The following FARP1 variants were observed in gnomAD, a reference collection of about 807,000 sequenced individuals.
FARP1 encodes FERM, ARH/RhoGEF and pleckstrin domain protein 1, also known as FERM, ARHGEF and pleckstrin domain-containing protein 1.
A neutral mutation model predicts 128.8 loss-of-function variants in FARP1; 52 were observed. That is an observed-to-expected ratio of 0.40 (90% CI 0.32 to 0.51). FARP1 has a LOEUF of 0.51. FARP1 is among the 20% of genes least tolerant of loss of function. The pLI is 0.45. For missense variants in FARP1, 1,333 were observed against 1,367.9 expected, an observed-to-expected ratio of 0.97 and a Z score of 0.40; for synonymous variants, 580 against 551.8, an observed-to-expected ratio of 1.05 and a Z score of -0.72.
At chr13:98,201,356 C>T (rs1248703927) in intron 1 of FARP1, among the ~76,000 whole-genome samples, 2 of 152,192 alleles carry the variant, frequency 1.3e-5, no homozygotes, top group South Asian at 2.1e-4. Flanking sequence ...GGGGGAGGAA[C>T]GCTTGAGCCC....
intron 2 of FARP1, among the ~76,000 whole-genome samples, chr13:98,231,977 G>A (rs139859339): frequency 1.3e-5 from 2 of 151,836 alleles, no homozygotes; most frequent in East Asian, 1.9e-4. Context: ...ACAGGTACTC[G>A]TCACCACGCC....
chr13:98,193,153 G>T (rs1193145009), intron 1 of FARP1, among the ~76,000 whole-genome samples: 3 of 151,894 alleles, frequency 2.0e-5, no homozygotes, highest in Non-Finnish European at 4.4e-5. Context: ...TGTCTCCCGG[G>T]TTCAAGCGAT....
At chr13:98,185,873 AT>A (rs1878830067) in intron 1 of FARP1, among the ~76,000 whole-genome samples, 2 of 151,028 alleles carry the variant, frequency 1.3e-5, no homozygotes, top group Admixed American at 6.6e-5. Context: ...AATTTTTGTA[AT>A]TTTAGTAGAG....
rs1311250133 is a variant in FARP1 at position 98,439,953 on chromosome 13, G to A, written c.2434-8G>A. Reference sequence around the variant, plus strand: ...CCTCATGGTGACGTTATCTTCTCTTGCCCACAGATTGAGGAGAGCGAAGAC... The same window carrying A: ...CCTCATGGTGACGTTATCTTCTCTTACCCACAGATTGAGGAGAGCGAAGAC... On this transcript the variant is annotated splice_polypyrimidine_tract_variant and splice_region_variant and intron_variant, in intron 21 of 26. Transcript: ENST00000319562. 2 of 1,548,840 alleles carry A rather than the reference G, an allele frequency of 1.3e-6. No homozygotes were observed. Among genetic ancestry groups the A allele is most frequent in the Non-Finnish European group, 1.8e-6 (2 of 1,140,990 alleles).
chr13:98,297,376 G>A (rs1382485675), intron 2 of FARP1, among the ~76,000 whole-genome samples: 1 of 152,214 alleles, frequency 6.6e-6, no homozygotes, highest in Non-Finnish European at 1.5e-5. Flanking sequence ...TAAGCTCCAG[G>A]TGTGCAATAG....
At chr13:98,167,494 C>T (rs1345356982) in intron 1 of FARP1, among the ~76,000 whole-genome samples, 1 of 150,556 alleles carries the variant, frequency 6.6e-6, no homozygotes, top group Non-Finnish European at 1.5e-5. Flanking sequence ...AATGCAGCCT[C>T]TGCCTCCCTG....
At chr13:98,422,309 A>T (rs7329659) in intron 16 of FARP1, among the ~76,000 whole-genome samples, 1 of 152,018 alleles carries the variant, frequency 6.6e-6, no homozygotes, top group South Asian at 2.1e-4. Context: ...AGAGGTTAAC[A>T]GCTATCTTCC....
chr13:98,172,218 G>A lies in FARP1; in HGVS notation c.-24+28726G>A, dbSNP rs1332781585. ...GTGGGAGTCCTGCGGACACCAGGGT[G>A]TGGTGACTGATTTCATTTCTGCTGC... On this transcript the variant is annotated intron_variant, in intron 1 of 26. Coordinates refer to ENST00000319562, the MANE Select transcript of FARP1 (RefSeq NM_005766.4). 2.6e-5 allele frequency among the ~76,000 whole-genome samples: 4 copies of A among 152,052 alleles called. No homozygotes were observed. The South Asian group carries it at 6.2e-4, about 24-fold the overall frequency.
intron 5 of FARP1, among the ~76,000 whole-genome samples, chr13:98,376,477 T>C (rs1432467927): frequency 6.6e-6 from 1 of 152,262 alleles, no homozygotes; most frequent in Admixed American, 6.5e-5. Flanking sequence ...TGAATAGTAA[T>C]CCACTGTGTA....
chr13:98,181,643 T>TATTTGAGAGA (rs74946449), intron 1 of FARP1, among the ~76,000 whole-genome samples: 13 of 38,298 alleles, frequency 3.4e-4, no homozygotes, highest in African/African-American at 1.6e-3. Context: ...TTTATTTATT[T>TATTTGAGAGA]GAGAGAGAGA....
chr13:98,376,741 T>C (rs1889599964), intron 5 of FARP1, among the ~76,000 whole-genome samples: 1 of 148,472 alleles, frequency 6.7e-6, no homozygotes, highest in Non-Finnish European at 1.5e-5. Flanking sequence ...CCGCCGATAG[T>C]ACTTGAGGGT....
intron 2 of FARP1, among the ~76,000 whole-genome samples, chr13:98,324,529 T>A (rs1887149717): frequency 6.6e-6 from 1 of 152,052 alleles, no homozygotes; most frequent in Non-Finnish European, 1.5e-5. Flanking sequence ...CTGGAAAGAG[T>A]TTACTTTTTG....
At chr13:98,165,937 C>T (rs1414797832) in intron 1 of FARP1, among the ~76,000 whole-genome samples, 2 of 151,916 alleles carry the variant, frequency 1.3e-5, no homozygotes, top group African/African-American at 4.8e-5. Flanking sequence ...CCAGGCTCGT[C>T]TCGACCTCCT....
intron 14 of FARP1, 114 bp from the exon 15 acceptor site, chr13:98,410,620 T>A (rs777831505): frequency 4.7e-5 from 26 of 557,346 alleles, no homozygotes; most frequent in Non-Finnish European, 8.0e-5. Flanking sequence ...TTCTTGTTGA[T>A]GCCAGCTAAC....
At chr13:98,283,915 C>A (rs560841109) in intron 2 of FARP1, among the ~76,000 whole-genome samples, 1 of 152,148 alleles carries the variant, frequency 6.6e-6, no homozygotes, top group African/African-American at 2.4e-5. Flanking sequence ...AGGTTGTGTC[C>A]TTTAAATCTA....
chr13:98,199,544 A>G (rs1879801630), intron 1 of FARP1, among the ~76,000 whole-genome samples: 1 of 152,168 alleles, frequency 6.6e-6, no homozygotes, highest in Admixed American at 6.5e-5. Context: ...TGGGTTTGTT[A>G]TTTTCAAAGG....
chr13:98,398,571 T>C (rs1890643646), intron 13 of FARP1: 1 of 152,222 alleles, frequency 6.6e-6, no homozygotes, highest in Non-Finnish European at 1.5e-5. Context: ...GAATTAATAA[T>C]TCAAATCGGA....
At chr13:98,261,657 A>G (rs1336960621) in intron 2 of FARP1, among the ~76,000 whole-genome samples, 1 of 152,152 alleles carries the variant, frequency 6.6e-6, no homozygotes, top group Non-Finnish European at 1.5e-5. Flanking sequence ...GGGAGTTTGT[A>G]ACATAGATGA....
chr13:98,254,688 T>G (rs548184967), intron 2 of FARP1, among the ~76,000 whole-genome samples: 2 of 152,192 alleles, frequency 1.3e-5, no homozygotes, highest in Non-Finnish European at 2.9e-5. Flanking sequence ...AGCCATGAAT[T>G]CACAAGAAAC....
Sources: allele counts gnomAD v4.1 joint callset (sites outside exome capture counted in the v4.1 genomes callset), GRCh38; gene constraint gnomAD v4.1.1; transcripts MANE v1.5; gene names NCBI Gene and HGNC (gene_info 2026-07-23, HGNC 2026-07-21).